GAS7: variants seen among roughly 807,000 people sequenced by gnomAD.
The protein encoded by GAS7 is growth arrest-specific protein 7.
Under a neutral mutation model 71.1 loss-of-function variants are expected in GAS7, and 28 were observed. The ratio of observed to expected loss-of-function variants is 0.39; its 90% CI spans 0.29 to 0.54. GAS7 has a LOEUF of 0.54. GAS7 is among the 20% of genes least tolerant of loss of function. The pLI is 0.62. For synonymous variants in GAS7, 258 were observed against 245.8 expected (o/e 1.05, Z -0.46); for missense variants, 436 against 627.8 (o/e 0.69, Z 3.27).
At chr17:10,145,582 T>A (rs2074115240) in intron 1 of GAS7, among the ~76,000 whole-genome samples, 1 of 152,204 alleles carries the variant, frequency 6.6e-6, no homozygotes, top group Non-Finnish European at 1.5e-5. Flanking sequence ...TCTGAGTTCC[T>A]GCAGCAGCAG....
At chr17:10,073,140 G>A (rs1265199236) in intron 1 of GAS7, among the ~76,000 whole-genome samples, 2 of 152,204 alleles carry the variant, frequency 1.3e-5, no homozygotes, top group African/African-American at 2.4e-5. Context: ...CCAGAGAACA[G>A]TGACAAGTGA....
intron 1 of GAS7, among the ~76,000 whole-genome samples, chr17:10,134,894 A>G (rs114453346): frequency 0.01 from 1,564 of 151,460 alleles, 19 homozygotes; most frequent in African/African-American, 0.036. Context: ...GTGCAGTGGT[A>G]CAATCTCGGC....
intron 8 of GAS7, among the ~76,000 whole-genome samples, chr17:9,935,489 A>C (rs78310668): frequency 0.011 from 1,621 of 152,274 alleles, 31 homozygotes; most frequent in African/African-American, 0.037. Context: ...TGTTCTGTTG[A>C]CTTAATATCA....
chr17:10,136,688 A>G (rs1485898031), intron 1 of GAS7, among the ~76,000 whole-genome samples: 1 of 152,196 alleles, frequency 6.6e-6, no homozygotes, highest in African/African-American at 2.4e-5. Context: ...TGGGGCAGCC[A>G]GCGTGATCCT....
chr17:10,087,368 C>CCTT (rs777541336), intron 1 of GAS7, among the ~76,000 whole-genome samples: 2 of 152,234 alleles, frequency 1.3e-5, no homozygotes, highest in Non-Finnish European at 2.9e-5. Flanking sequence ...TCATCAAAGG[C>CCTT]CTTCCTTAGG....
At chr17:10,053,468 A>C (rs961735875) in intron 1 of GAS7, among the ~76,000 whole-genome samples, 2 of 152,046 alleles carry the variant, frequency 1.3e-5, no homozygotes, top group Non-Finnish European at 2.9e-5. Flanking sequence ...GAACTGGCAT[A>C]TTTTCACCCA....
chr17:10,018,175 A>T (rs1159090810), intron 2 of GAS7, among the ~76,000 whole-genome samples: 1 of 152,256 alleles, frequency 6.6e-6, no homozygotes, highest in Admixed American at 6.5e-5. Flanking sequence ...CATATGTTTA[A>T]AAGGTGAGAC....
chr17:9,940,210 G>C lies in GAS7; in HGVS notation c.732-10C>G, dbSNP rs766564011. On this transcript the variant is annotated splice_polypyrimidine_tract_variant and intron_variant, in intron 7 of 13. Transcript: ENST00000432992. ...TTCTTCAATCTTTATCCTGCAAAGA[G>C]AGAAAACCCAACACACATCAGCTCT... is the stretch of plus-strand genomic sequence containing the variant. The C allele has an allele frequency of 3.1e-6, 5 of 1,609,366 alleles. No individual in the cohort carries two copies. Among genetic ancestry groups the C allele is most frequent in the Non-Finnish European group, 3.4e-6 (4 of 1,175,716 alleles).
intron 2 of GAS7, among the ~76,000 whole-genome samples, chr17:10,016,620 A>AAAAAAACAAAAAAAAAAAAAC (rs1567542577): frequency 7.6e-6 from 1 of 131,666 alleles, no homozygotes; most frequent in African/African-American, 3.1e-5. Context: ...AAAAAAAAAA[A>AAAAAAACAAAAAAAAAAAAAC]AAAACAAAAC....
At chr17:10,039,294 G>A (rs72809303) in intron 1 of GAS7, among the ~76,000 whole-genome samples, 19,489 of 151,122 alleles carry the variant, frequency 0.13, 1,475 homozygotes, top group East Asian at 0.26. Context: ...CCCATAAGCC[G>A]CTTCATGAGA....
chr17:10,198,403 C>T lies in GAS7; in HGVS notation c.-13G>A. On this transcript the variant is annotated 5_prime_UTR_variant, in exon 1 of 14. Coordinates refer to ENST00000432992, the MANE Select transcript of GAS7 (RefSeq NM_201433.2). ...GAGCGCCGGACATGGCCTTGGCGCC[C>T]GGGTTCACAGCGCAGCCTGCATTCC... The T allele has an allele frequency of 6.4e-7, 1 of 1,563,788 alleles. No individual in the cohort carries two copies. The highest frequency in any genetic ancestry group is 8.6e-7 in the Non-Finnish European group (1 of 1,164,300).
At chr17:10,048,849 C>T (rs1286125945) in intron 1 of GAS7, among the ~76,000 whole-genome samples, 1 of 152,232 alleles carries the variant, frequency 6.6e-6, no homozygotes, top group Non-Finnish European at 1.5e-5. Flanking sequence ...TAAGTCATTT[C>T]TTGCTCAGTA....
rs2072475555 is a variant in GAS7, at chr17:10,026,821, C to T, written c.184-6924G>A. Among the ~76,000 whole-genome samples the T allele has an allele frequency of 6.6e-6, 1 of 152,206 alleles. No homozygotes were observed. Among genetic ancestry groups the T allele is most frequent in the African/African-American group, 2.4e-5 (1 of 41,450 alleles). ...TCTCCTCCAGCTCTGGGTTAAGACA[C>T]AAATCATGCAACAGTGACATCACCA... On this transcript the variant is annotated intron_variant, in intron 1 of 13. Transcript: ENST00000432992. The surrounding 1 kb of genome is among the most constrained non-coding windows in gnomAD (Gnocchi z 4.5).
At chr17:10,191,643 G>C (rs961502724) in intron 1 of GAS7, among the ~76,000 whole-genome samples, 1 of 151,358 alleles carries the variant, frequency 6.6e-6, no homozygotes, top group African/African-American at 2.4e-5. Context: ...TTGGGAGGCT[G>C]AGGCGGGTGA....
chr17:10,048,641 A>G (rs2073016302), intron 1 of GAS7, among the ~76,000 whole-genome samples: 2 of 152,320 alleles, frequency 1.3e-5, no homozygotes, highest in African/African-American at 4.8e-5. Flanking sequence ...TGCAAATGTG[A>G]ATTTTTACCC....
chr17:10,166,946 G>A (rs1466340282), intron 1 of GAS7, among the ~76,000 whole-genome samples: 1 of 151,834 alleles, frequency 6.6e-6, no homozygotes, highest in Admixed American at 6.6e-5. Flanking sequence ...GAGCTGATGG[G>A]TGGAGACCCT....
At chr17:10,173,175 C>T (rs553108094) in intron 1 of GAS7, among the ~76,000 whole-genome samples, 2 of 151,928 alleles carry the variant, frequency 1.3e-5, no homozygotes, top group African/African-American at 2.4e-5. Context: ...ATGCTGGGGG[C>T]GGGCGAAGGG....
At chr17:9,925,724 G>T in intron 10 of GAS7, 125 bp from the exon 11 acceptor site, 3 of 1,008,446 alleles carry the variant, frequency 3.0e-6, no homozygotes, top group Non-Finnish European at 2.9e-6. Flanking sequence ...TGCCACAGTG[G>T]TCCAGAGAGG....
chr17:9,986,000 T>C (rs761632017), intron 2 of GAS7, among the ~76,000 whole-genome samples: 20 of 152,344 alleles, frequency 1.3e-4, no homozygotes, highest in Non-Finnish European at 2.6e-4. Flanking sequence ...CCAGCTTTTT[T>C]CTAGGAAATC....
Sources: allele counts gnomAD v4.1 joint callset (sites outside exome capture counted in the v4.1 genomes callset), GRCh38; gene constraint gnomAD v4.1.1; non-coding constraint Gnocchi (gnomAD v3.1); transcripts MANE v1.5; gene names NCBI Gene and HGNC (gene_info 2026-07-23, HGNC 2026-07-21).